SAMSN1: variants seen among roughly 807,000 people sequenced by gnomAD.
The protein encoded by SAMSN1 is SAM domain, SH3 domain and nuclear localization signals 1.
In SAMSN1, 31 loss-of-function variants were observed where a neutral mutation model predicts 42.0. The observed-to-expected ratio is 0.74, with a 90% CI of 0.55 to 1.00. The LOEUF is 1.00. Ranked by LOEUF, SAMSN1 falls within the 50% of genes least tolerant of loss-of-function variation. The probability of loss-of-function intolerance (pLI) is 0.00; values close to 1 mark genes in which losing one functional copy is unlikely to be tolerated. For synonymous variants in SAMSN1, 178 were observed against 151.9 expected, an observed-to-expected ratio of 1.17 and a Z score of -1.26; for missense variants, 464 against 439.4, an observed-to-expected ratio of 1.06 and a Z score of -0.50.
At chr21:14,582,256 A>G (rs1481544927) in exon 2 of SAMSN1, 3 of 1,550,908 alleles carry the variant, frequency 1.9e-6, no homozygotes, top group Non-Finnish European at 2.6e-6. Context: ...ATGTCCAGAG[A>G]GGGTTTTCAG....
intron 2 of SAMSN1, among the ~76,000 whole-genome samples, chr21:14,555,484 T>TTG (rs1980735897): frequency 6.6e-6 from 1 of 152,200 alleles, no homozygotes; most frequent in Admixed American, 6.5e-5. Context: ...ATATAGCAGG[T>TTG]ATTGATTCCT....
At chr21:14,586,286 A>G (rs1440143061), upstream of SAMSN1, among the ~76,000 whole-genome samples, 120 of 147,410 alleles carry the variant, frequency 8.1e-4, no homozygotes, top group African/African-American at 3.0e-3. Flanking sequence ...AAAGAAAAAG[A>G]AAAAAAAAGA....
At chr21:14,534,625 C>T (rs1009030020) in intron 1 of SAMSN1, among the ~76,000 whole-genome samples, 3 of 151,886 alleles carry the variant, frequency 2.0e-5, no homozygotes, top group African/African-American at 7.3e-5. Context: ...ACGCCATTCT[C>T]CTGCCTCAGC....
intron 1 of SAMSN1, chr21:14,523,512 A>G (rs889690586): frequency 1.3e-5 from 2 of 152,142 alleles, no homozygotes. Flanking sequence ...AATCACTCCA[A>G]CTTGCCTAGG....
chr21:14,534,541 G>T (rs947939113), intron 1 of SAMSN1, among the ~76,000 whole-genome samples: 1 of 149,624 alleles, frequency 6.7e-6, no homozygotes, highest in African/African-American at 2.5e-5. Context: ...TTTTTGAGAC[G>T]GAGTCTCGCT....
intron 2 of SAMSN1, among the ~76,000 whole-genome samples, chr21:14,627,934 T>C (rs1313179502): frequency 1.3e-5 from 2 of 152,120 alleles, no homozygotes; most frequent in African/African-American, 4.8e-5. Flanking sequence ...GACTTCTCCC[T>C]TGTCTGGGGA....
chr21:14,606,481 T>G (rs1462240861), intron 5 of SAMSN1, among the ~76,000 whole-genome samples: 1 of 152,172 alleles, frequency 6.6e-6, no homozygotes, highest in Non-Finnish European at 1.5e-5. Flanking sequence ...ATTCACAGAT[T>G]CAAAAGTTTG....
chr21:14,649,161 C>T (rs186982937), intron 1 of SAMSN1, among the ~76,000 whole-genome samples: 13 of 151,734 alleles, frequency 8.6e-5, no homozygotes, highest in South Asian at 2.1e-4. Context: ...TCAGTAAAAA[C>T]TATCACAAGA....
chr21:14,528,568 C>T (rs1440693226), intron 1 of SAMSN1, among the ~76,000 whole-genome samples: 3 of 152,196 alleles, frequency 2.0e-5, no homozygotes, highest in East Asian at 3.8e-4. Context: ...GGTATTTGCT[C>T]ATTGCTGTCT....
intron 3 of SAMSN1, among the ~76,000 whole-genome samples, chr21:14,514,024 A>ATCAC (rs1051315469): frequency 4.6e-5 from 7 of 152,176 alleles, no homozygotes; most frequent in Admixed American, 4.6e-4. Context: ...CTCTGTATCC[A>ATCAC]TCACTCCATT....
intron 1 of SAMSN1, among the ~76,000 whole-genome samples, chr21:14,582,997 A>G (rs1486055179): frequency 1.3e-5 from 2 of 152,204 alleles, no homozygotes; most frequent in Non-Finnish European, 2.9e-5. Flanking sequence ...CAAGAGATGT[A>G]TGGATGCAGT....
intron 1 of SAMSN1, among the ~76,000 whole-genome samples, chr21:14,543,847 T>G (rs1396181274): frequency 6.6e-6 from 1 of 152,206 alleles, no homozygotes; most frequent in East Asian, 1.9e-4. Flanking sequence ...GTTTCTTGGT[T>G]AGGAAATTTT....
rs149666247 is a variant in SAMSN1 at position 14,611,732 on chromosome 21, C to A, written c.235+1144G>T. Among the ~76,000 whole-genome samples the A allele has an allele frequency of 7.4e-4, 113 of 152,324 alleles. 1 individual carries two copies. The South Asian group carries it at 8.1e-3, about 11-fold the overall frequency. On this transcript the variant is annotated intron_variant, in intron 4 of 15. Transcript: ENST00000647101. ...TAGGATCCAGCGCCTATAGATGCTA[C>A]TGCTGGGAGAATTGAAACCTGATTA...
intron 1 of SAMSN1, among the ~76,000 whole-genome samples, chr21:14,530,870 G>A (rs1365380238): frequency 2.0e-5 from 3 of 151,958 alleles, no homozygotes; most frequent in Non-Finnish European, 4.4e-5. Context: ...GATACAGGGA[G>A]GGCAATTCAA....
At chr21:14,624,646 AC>A (rs1367176302) in intron 2 of SAMSN1, among the ~76,000 whole-genome samples, 2 of 152,128 alleles carry the variant, frequency 1.3e-5, no homozygotes, top group Non-Finnish European at 1.5e-5. Context: ...TAGCCTACCA[AC>A]CAAAAAAAGT....
chr21:14,637,468 A>T (rs926787768), intron 2 of SAMSN1, among the ~76,000 whole-genome samples: 1 of 152,226 alleles, frequency 6.6e-6, no homozygotes, highest in Non-Finnish European at 1.5e-5. Flanking sequence ...AATAACTAAA[A>T]TGTGTGAGTC....
chr21:14,527,374 C>T (rs770449720), intron 1 of SAMSN1, among the ~76,000 whole-genome samples: 1 of 152,142 alleles, frequency 6.6e-6, no homozygotes, highest in Non-Finnish European at 1.5e-5. Flanking sequence ...TCACGTGGTA[C>T]CAGTGGAATA....
intron 2 of SAMSN1, among the ~76,000 whole-genome samples, chr21:14,569,267 C>T (rs1981215255): frequency 6.6e-6 from 1 of 152,098 alleles, no homozygotes; most frequent in South Asian, 2.1e-4. Flanking sequence ...TGCAGTGCAG[C>T]CTGGGCAACA....
intron 1 of SAMSN1, among the ~76,000 whole-genome samples, chr21:14,527,863 C>A (rs971223395): frequency 6.6e-6 from 1 of 151,436 alleles, no homozygotes; most frequent in African/African-American, 2.4e-5. Context: ...GTAAAAAAGA[C>A]CCAAATGTAC....
Sources: gnomAD v4.1 joint callset for allele counts (sites outside exome capture counted in the v4.1 genomes callset) on GRCh38, gnomAD v4.1.1 for gene constraint, MANE v1.5 for transcripts, NCBI Gene and HGNC (gene_info 2026-07-23, HGNC 2026-07-21) for gene names.